XKR4: variants seen among roughly 807,000 people sequenced by gnomAD.
XKR4 encodes XK related 4.
A neutral mutation model predicts 53.9 loss-of-function variants in XKR4; 12 were observed. The observed-to-expected ratio is 0.22, with a 90% CI of 0.14 to 0.36. The LOEUF (loss-of-function observed/expected upper bound fraction) is 0.36. Among genes scored for constraint, XKR4 ranks in the 10% least tolerant of loss-of-function variants. The probability of loss-of-function intolerance (pLI) is 1.00; values close to 1 mark genes in which losing one functional copy is unlikely to be tolerated. For synonymous variants in XKR4, 354 were observed against 362.4 expected (o/e 0.98, Z 0.26); for missense variants, 799 against 859.5 (o/e 0.93, Z 0.88).
At chr8:55,302,842 A>G (rs1449499459) in intron 1 of XKR4, among the ~76,000 whole-genome samples, 2 of 152,208 alleles carry the variant, frequency 1.3e-5, no homozygotes, top group Non-Finnish European at 2.9e-5. Context: ...TTGTACAATG[A>G]TTTTGTATCC....
At chr8:55,259,712 G>T (rs1031557559) in intron 1 of XKR4, among the ~76,000 whole-genome samples, 1 of 152,122 alleles carries the variant, frequency 6.6e-6, no homozygotes. Flanking sequence ...TACCTATCTG[G>T]TCATTTTATG....
chr8:55,376,137 C>T (rs1804149021), intron 2 of XKR4, among the ~76,000 whole-genome samples: 1 of 152,110 alleles, frequency 6.6e-6, no homozygotes. Context: ...CATTAATGGG[C>T]ATTTGGGTTG....
At chr8:55,479,469 C>A (rs540027805) in intron 2 of XKR4, among the ~76,000 whole-genome samples, 13 of 152,012 alleles carry the variant, frequency 8.6e-5, no homozygotes, top group African/African-American at 3.1e-4. Context: ...AATTGACACC[C>A]TAACATCAAA....
intron 2 of XKR4, among the ~76,000 whole-genome samples, chr8:55,502,076 T>C (rs1806446928): frequency 6.6e-6 from 1 of 152,182 alleles, no homozygotes; most frequent in African/African-American, 2.4e-5. Context: ...AAAATAAAAG[T>C]CTGTACATTT....
At chr8:55,185,230 A>T (rs1174750064) in intron 1 of XKR4, among the ~76,000 whole-genome samples, 1 of 152,214 alleles carries the variant, frequency 6.6e-6, no homozygotes, top group Non-Finnish European at 1.5e-5. Context: ...TTTCAAATCA[A>T]AGTTCATCTA....
chr8:55,340,903 C>T lies in XKR4; in HGVS notation c.807-16775C>T, dbSNP rs547656543. Among the ~76,000 whole-genome samples, 10 of 152,198 alleles carry T rather than the reference C, an allele frequency of 6.6e-5. No homozygotes were observed. In the East Asian group the frequency reaches 7.7e-4, roughly 12 times the overall value. On this transcript the variant is annotated intron_variant, in intron 1 of 2. Transcript: ENST00000327381. ...TGCATGGGTCACACATGTGTCACCG[C>T]GCAGAGATAACCTGTGAAGCTGGAC...
rs1176564668 is a variant in XKR4, at chr8:55,236,492, A to G, written c.807-121186A>G. Among the ~76,000 whole-genome samples the G allele has an allele frequency of 2.6e-5, 4 of 152,300 alleles. No individual in the cohort carries two copies. The East Asian group carries it at 5.8e-4, about 22-fold the overall frequency. On this transcript the variant is annotated intron_variant, in intron 1 of 2. Transcript: ENST00000327381. The stretch of plus-strand genomic sequence containing the variant: ...TCACCTGTGCTTGCTTCCCAGAGGA[A>G]AAACAGTCAAGAGGCTGGCCCACAG...
intron 2 of XKR4, among the ~76,000 whole-genome samples, chr8:55,436,399 G>A (rs1395135937): frequency 6.6e-6 from 1 of 152,280 alleles, no homozygotes. Flanking sequence ...AAAAATAAAT[G>A]TATTTGACAA....
chr8:55,215,939 A>G (rs1817790631), intron 1 of XKR4, among the ~76,000 whole-genome samples: 1 of 152,258 alleles, frequency 6.6e-6, no homozygotes, highest in South Asian at 2.1e-4. Context: ...TTTCTTGTAG[A>G]TGGCATGATT....
At chr8:55,452,050 G>A in intron 2 of XKR4, 1 of 727,608 alleles carries the variant, frequency 1.4e-6, no homozygotes, top group South Asian at 1.5e-5. Context: ...CTGAGGGAAG[G>A]ACCCTTGTTC....
intron 1 of XKR4, among the ~76,000 whole-genome samples, chr8:55,314,986 T>C (rs1044859828): frequency 5.3e-5 from 8 of 152,164 alleles, no homozygotes; most frequent in African/African-American, 1.7e-4. Flanking sequence ...GCAAAAACGC[T>C]GTGCATTTGC....
At chr8:55,396,399 GTTTTTT>G (rs71256534) in intron 2 of XKR4, among the ~76,000 whole-genome samples, 1 of 88,750 alleles carries the variant, frequency 1.1e-5, no homozygotes, top group East Asian at 3.4e-4. Flanking sequence ...TTTTTGTTTG[GTTTTTT>G]TTTTTTTTTT....
intron 1 of XKR4, among the ~76,000 whole-genome samples, chr8:55,157,922 G>C (rs1265371441): frequency 2.0e-5 from 3 of 152,114 alleles, no homozygotes; most frequent in Admixed American, 1.3e-4. Flanking sequence ...CCAATCCACT[G>C]TTGATGGGCA....
intron 2 of XKR4, among the ~76,000 whole-genome samples, chr8:55,390,602 C>T (rs1196241330): frequency 6.6e-6 from 1 of 152,188 alleles, no homozygotes; most frequent in Non-Finnish European, 1.5e-5. Context: ...GGGCTAGAAT[C>T]TCATTTTGCT....
intron 1 of XKR4, among the ~76,000 whole-genome samples, chr8:55,258,700 T>A (rs1278693642): frequency 6.6e-6 from 1 of 152,236 alleles, no homozygotes; most frequent in Non-Finnish European, 1.5e-5. Context: ...GCATCATCAT[T>A]TAATAGCTTG....
chr8:55,184,186 T>C (rs576631374), intron 1 of XKR4, among the ~76,000 whole-genome samples: 3 of 152,290 alleles, frequency 2.0e-5, no homozygotes, highest in Non-Finnish European at 2.9e-5. Context: ...CTGGGTTTTG[T>C]TGGTCCCTGT....
rs938753408 is a variant in XKR4 at position 55,182,113 on chromosome 8, A to G, written c.806+78819A>G. 1.2e-4 allele frequency among the ~76,000 whole-genome samples: 18 copies of G among 150,982 alleles called. 1 individual carries two copies. Among genetic ancestry groups the G allele is most frequent in the African/African-American group, 3.9e-4 (16 of 41,012 alleles). On this transcript the variant is annotated intron_variant, in intron 1 of 2. Transcript: ENST00000327381. Reference sequence around the variant, plus strand: ...CTTTTATCAAATTTTTCGTTTTCTTATTGTTCTAGTTTAAAAATTCATTAT... The same window carrying G: ...CTTTTATCAAATTTTTCGTTTTCTTGTTGTTCTAGTTTAAAAATTCATTAT...
chr8:55,364,714 C>T (rs1432697459), intron 2 of XKR4, among the ~76,000 whole-genome samples: 2 of 152,106 alleles, frequency 1.3e-5, no homozygotes, highest in Non-Finnish European at 2.9e-5. Context: ...CTCACTGCAA[C>T]CTCTGCCTCC....
chr8:55,138,529 G>A (rs927366424), intron 1 of XKR4, among the ~76,000 whole-genome samples: 2 of 152,158 alleles, frequency 1.3e-5, no homozygotes, highest in Non-Finnish European at 2.9e-5. Context: ...TATAACAGTG[G>A]TTGCTAAAGA....
Sources: allele counts gnomAD v4.1 joint callset (sites outside exome capture counted in the v4.1 genomes callset), GRCh38; gene constraint gnomAD v4.1.1; transcripts MANE v1.5; gene names NCBI Gene and HGNC (gene_info 2026-07-23, HGNC 2026-07-21).